Variants in SYTL3 observed in about 807,000 individuals in gnomAD.
The protein encoded by SYTL3 is synaptotagmin like 3, also known as synaptotagmin-like protein 3.
Under a neutral mutation model 82.1 loss-of-function variants are expected in SYTL3, and 88 were observed. That is an observed-to-expected ratio of 1.07 (90% CI 0.90 to 1.28). The LOEUF is 1.28. Ranked by LOEUF, SYTL3 falls within the 50% of genes most tolerant of loss-of-function variation. SYTL3 has a pLI of 0.00. For synonymous variants in SYTL3, 311 were observed against 289.4 expected, an observed-to-expected ratio of 1.07 and a Z score of -0.76; for missense variants, 831 against 757.6, an observed-to-expected ratio of 1.10 and a Z score of -1.14.
Position 158,751,999 on chromosome 6 carries a change from C to T in SYTL3, c.1106C>T (p.Thr369Ile). The change falls in exon 13 of 18, where the codon ACC (threonine) becomes ATC (isoleucine). Residue 369 changes from threonine (T) to isoleucine (I), a missense_variant. Thr to Ile is a moderately conservative substitution (Grantham distance 89). Coordinates refer to ENST00000611299, the MANE Select transcript of SYTL3 (RefSeq NM_001242394.2). ...GKRKTGVQRN[T>I]VDPTFQETLK... ...CGCAAGACTGGAGTCCAAAGGAACA[C>T]CGTGGACCCGACCTTTCAGGAGACC... The T allele has an allele frequency of 6.2e-7, 1 of 1,602,272 alleles. No individual in the cohort carries two copies.
chr6:158,676,111 A>G (rs1195585239), intron 5 of SYTL3, among the ~76,000 whole-genome samples: 18 of 152,242 alleles, frequency 1.2e-4, no homozygotes, highest in Admixed American at 1.1e-3. Context: ...ATCCTAAGCC[A>G]AAAGAACAAA....
chr6:158,693,305 G>A (rs886591510), intron 6 of SYTL3, among the ~76,000 whole-genome samples: 4 of 151,960 alleles, frequency 2.6e-5, no homozygotes, highest in African/African-American at 9.7e-5. Context: ...GCAGCCTCAA[G>A]TTCTTTGGCT....
chr6:158,742,582 C>CT lies in SYTL3; in HGVS notation c.856-2887dup, dbSNP rs1274265535. 5.0e-3 allele frequency among the ~76,000 whole-genome samples: 625 copies of CT among 124,052 alleles called. 14 individuals are homozygous for CT. The highest frequency in any genetic ancestry group is 9.4e-3 in the South Asian group (36 of 3,832). 81.4% of individuals were successfully genotyped at this position (124,052 alleles called of 152,430 possible). On this transcript the variant is annotated intron_variant, in intron 11 of 17. Transcript: ENST00000611299. ...TGCTGGAAGCATTTTTTTTTTTTTGCTTTTTTTTTTTGAGATGGAGTCTCG... is the reference window on the plus strand; with the variant it reads ...TGCTGGAAGCATTTTTTTTTTTTTGCTTTTTTTTTTTTGAGATGGAGTCTCG...
At chr6:158,692,257 C>CAAAAAAAAAAAA (rs571381475) in intron 6 of SYTL3, among the ~76,000 whole-genome samples, 2 of 32,186 alleles carry the variant, frequency 6.2e-5, no homozygotes, top group African/African-American at 8.9e-5. Flanking sequence ...GACTCCGTCT[C>CAAAAAAAAAAAA]AAAAAAAAAA....
intron 13 of SYTL3, among the ~76,000 whole-genome samples, chr6:158,752,609 C>G (rs543426886): frequency 1.3e-5 from 2 of 152,114 alleles, no homozygotes; most frequent in African/African-American, 4.8e-5. Context: ...GCTCTGATGT[C>G]GGGTGGAAGG....
chr6:158,695,595 C>T (rs993406242), intron 6 of SYTL3, among the ~76,000 whole-genome samples: 2 of 152,164 alleles, frequency 1.3e-5, no homozygotes, highest in Admixed American at 1.3e-4. Flanking sequence ...AGTTCATTGG[C>T]ATTAAGTATA....
intron 12 of SYTL3, among the ~76,000 whole-genome samples, chr6:158,750,483 G>A (rs1295372379): frequency 6.6e-6 from 1 of 152,190 alleles, no homozygotes; most frequent in Non-Finnish European, 1.5e-5. Flanking sequence ...TAAATGAACT[G>A]TGAAGAATTA....
At chr6:158,646,123 C>CATTTATTT (rs900444613), upstream of SYTL3, among the ~76,000 whole-genome samples, 2 of 152,124 alleles carry the variant, frequency 1.3e-5, no homozygotes, top group Non-Finnish European at 2.9e-5. Flanking sequence ...ACACAATTAA[C>CATTTATTT]ATTTATTTAT....
At chr6:158,699,055 C>A (rs1476366722) in intron 6 of SYTL3, among the ~76,000 whole-genome samples, 1 of 152,192 alleles carries the variant, frequency 6.6e-6, no homozygotes, top group East Asian at 1.9e-4. Context: ...TGTGCATGAC[C>A]TTCTGCACAC....
At chr6:158,740,286 A>G (rs889990533) in intron 11 of SYTL3, among the ~76,000 whole-genome samples, 3 of 152,036 alleles carry the variant, frequency 2.0e-5, no homozygotes, top group Non-Finnish European at 2.9e-5. Context: ...GTGAGCCACC[A>G]TGCCCAGCCA....
intron 6 of SYTL3, among the ~76,000 whole-genome samples, chr6:158,699,699 G>A (rs1392016542): frequency 1.3e-5 from 2 of 151,952 alleles, no homozygotes; most frequent in African/African-American, 4.8e-5. Flanking sequence ...TGTAATCCCG[G>A]CACTTTGGGA....
chr6:158,760,853 G>C, intron 15 of SYTL3, 108 bp downstream of exon 15: 2 of 827,116 alleles, frequency 2.4e-6, no homozygotes, highest in South Asian at 1.5e-5. Context: ...TCCTTTCTAC[G>C]TCCCCGTGCC....
intron 6 of SYTL3, among the ~76,000 whole-genome samples, chr6:158,691,028 TTTGG>T (rs1217311597): frequency 1.3e-5 from 2 of 152,076 alleles, no homozygotes; most frequent in African/African-American, 2.4e-5. Context: ...CAGGTTCTAA[TTTGG>T]TGGGGCCAGA....
chr6:158,648,944 G>C (rs1001982355), upstream of SYTL3, among the ~76,000 whole-genome samples: 3 of 152,170 alleles, frequency 2.0e-5, no homozygotes, highest in African/African-American at 7.2e-5. Context: ...GCTGGGAAGC[G>C]GAGGCACAGT....
chr6:158,703,759 C>T (rs1230956470), intron 6 of SYTL3, among the ~76,000 whole-genome samples: 1 of 151,970 alleles, frequency 6.6e-6, no homozygotes, highest in Non-Finnish European at 1.5e-5. Context: ...AGAGTGGGAC[C>T]TGCGGGTCCC....
At chr6:158,750,349 TG>T (rs1360423383) in intron 12 of SYTL3, among the ~76,000 whole-genome samples, 2 of 152,130 alleles carry the variant, frequency 1.3e-5, no homozygotes, top group Admixed American at 6.6e-5. Context: ...TTTCCTAAGC[TG>T]GGGGGCAGGG....
intron 5 of SYTL3, among the ~76,000 whole-genome samples, chr6:158,682,668 A>G (rs1214128000): frequency 1.3e-5 from 2 of 152,154 alleles, no homozygotes; most frequent in Non-Finnish European, 2.9e-5. Context: ...CCATATTCAC[A>G]TATTATACAT....
chr6:158,749,724 G>C (rs1288682124), intron 12 of SYTL3, among the ~76,000 whole-genome samples: 1 of 152,050 alleles, frequency 6.6e-6, no homozygotes, highest in African/African-American at 2.4e-5. Context: ...CTGGGCTCAT[G>C]CAATCCTTCC....
rs187676639 is a variant in SYTL3, at chr6:158,672,525, A to T, written c.329+6912A>T. On this transcript the variant is annotated intron_variant, in intron 5 of 17. Coordinates refer to ENST00000611299, the MANE Select transcript of SYTL3 (RefSeq NM_001242394.2). Reference sequence around the variant, plus strand: ...TTTCATTGTTTATCTCCTGATTTTTATGTAGAAGAAACATACTGGTTTTTT... The same window carrying T: ...TTTCATTGTTTATCTCCTGATTTTTTTGTAGAAGAAACATACTGGTTTTTT... Among the ~76,000 whole-genome samples, 455 of 143,472 alleles carry T rather than the reference A, an allele frequency of 3.2e-3. 5 individuals carry two copies. The highest frequency in any genetic ancestry group is 0.011 in the African/African-American group (417 of 39,270). The allele number at this position is 143,472 out of a possible 152,430, so 94.1% of individuals were successfully genotyped here. A position where few individuals can be genotyped will look rare whatever the true frequency, so the allele number is the denominator to read the frequency against.
Sources: allele counts gnomAD v4.1 joint callset (sites outside exome capture counted in the v4.1 genomes callset), GRCh38; gene constraint gnomAD v4.1.1; transcripts MANE v1.5; gene names NCBI Gene and HGNC (gene_info 2026-07-23, HGNC 2026-07-21).